The following MSI2 variants were observed in gnomAD, a reference collection of about 807,000 sequenced individuals.
MSI2 encodes the protein musashi RNA binding protein 2, also known as RNA-binding protein Musashi homolog 2.
MSI2 carries 17 observed loss-of-function variants against 45.6 expected under a neutral mutation model. The observed-to-expected ratio is 0.37, with a 90% confidence interval of 0.26 to 0.56. The LOEUF (loss-of-function observed/expected upper bound fraction) is 0.56. Among genes scored for constraint, MSI2 ranks in the 20% least tolerant of loss-of-function variants. The pLI is 0.77. For missense variants in MSI2, 293 were observed against 444.2 expected, an observed-to-expected ratio of 0.66 and a Z score of 3.06; for synonymous variants, 156 against 158.2, an observed-to-expected ratio of 0.99 and a Z score of 0.11.
At chr17:57,413,612 T>A (rs1206140805) in intron 6 of MSI2, among the ~76,000 whole-genome samples, 1 of 152,034 alleles carries the variant, frequency 6.6e-6, no homozygotes, top group Non-Finnish European at 1.5e-5. Flanking sequence ...ATCTGTTTAT[T>A]GCATTTATTT....
At chr17:57,557,221 C>T (rs942300545) in intron 7 of MSI2, among the ~76,000 whole-genome samples, 12 of 152,340 alleles carry the variant, frequency 7.9e-5, no homozygotes, top group African/African-American at 2.9e-4. Context: ...CATGAGAATT[C>T]CTCAGTCATA....
the MSI2 span, among the ~76,000 whole-genome samples, chr17:57,693,278 G>A: frequency 6.6e-6 from 1 of 152,016 alleles, no homozygotes; most frequent in Admixed American, 6.6e-5. Flanking sequence ...CACCTCCTGG[G>A]TTCAAGCAAT....
At chr17:57,283,369 T>C (rs368335524) in intron 5 of MSI2, among the ~76,000 whole-genome samples, 37 of 152,266 alleles carry the variant, frequency 2.4e-4, no homozygotes, top group African/African-American at 8.7e-4. Context: ...TCCCTTTGTA[T>C]CGCTGACCCA....
intron 6 of MSI2, among the ~76,000 whole-genome samples, chr17:57,440,030 A>G (rs981661978): frequency 2.0e-5 from 3 of 152,146 alleles, no homozygotes; most frequent in East Asian, 1.9e-4. Context: ...TGAGTGATCT[A>G]TCTCCACTGT....
At chr17:57,410,719 G>A (rs752330729) in intron 6 of MSI2, among the ~76,000 whole-genome samples, 12 of 152,138 alleles carry the variant, frequency 7.9e-5, no homozygotes, top group South Asian at 2.1e-4. Flanking sequence ...TTGGGTTGTC[G>A]AGGTCGCTAA....
chr17:57,536,169 C>T (rs1474450071), intron 7 of MSI2, among the ~76,000 whole-genome samples: 1 of 152,116 alleles, frequency 6.6e-6, no homozygotes, highest in Non-Finnish European at 1.5e-5. Context: ...AGCATTGCTT[C>T]ACTTGTAGGT....
intron 6 of MSI2, among the ~76,000 whole-genome samples, chr17:57,466,533 T>G (rs1456685690): frequency 6.6e-6 from 1 of 152,092 alleles, no homozygotes; most frequent in African/African-American, 2.4e-5. Context: ...GCCCAGCTCT[T>G]TTTTCCTCTC....
At chr17:57,526,541 A>C (rs1179194461) in intron 6 of MSI2, among the ~76,000 whole-genome samples, 1 of 151,864 alleles carries the variant, frequency 6.6e-6, no homozygotes, top group African/African-American at 2.4e-5. Flanking sequence ...CTTCTGTTTG[A>C]TTCACATAGA....
rs73992136 is a variant in MSI2, at chr17:57,639,799, C to G, written c.728-12300C>G. 6.6e-3 allele frequency among the ~76,000 whole-genome samples: 1,003 copies of G among 152,330 alleles called. 10 individuals are homozygous for G. Among genetic ancestry groups the G allele is most frequent in the African/African-American group, 0.023 (946 of 41,578 alleles). On this transcript the variant is annotated intron_variant, in intron 10 of 13. Transcript: ENST00000284073. ...ATTCTACAGTCTTTCTCCTGAAACC[C>G]AGGACCAGCTTTGAAGGTGCTGGGA...
Position 57,552,420 on chromosome 17 carries a change from G to C in MSI2, c.454+22696G>C, listed in dbSNP as rs1463751993. 2.0e-5 allele frequency among the ~76,000 whole-genome samples: 3 copies of C among 151,924 alleles called. No individual in the cohort carries two copies. The highest frequency in any genetic ancestry group is 4.4e-5 in the Non-Finnish European group (3 of 67,982). On this transcript the variant is annotated intron_variant, in intron 7 of 13. Coordinates refer to ENST00000284073, the MANE Select transcript of MSI2 (RefSeq NM_138962.4). This position sits in a 1 kb window ranked among gnomAD's most constrained non-coding sequence, Gnocchi z 4.3. ...CCCACTCACTGCCCTGCTGCATCCA[G>C]CCCCTGGGTCTTCCACCTCCTGGCA...
At position 57,675,007 on chromosome 17, in the gene MSI2, G is replaced by A. The variant is rs1466564664; in HGVS notation, c.826G>A (p.Ala276Thr). 3 of 1,613,702 alleles carry A rather than the reference G, an allele frequency of 1.9e-6. No individual in the cohort carries two copies. The highest frequency in any genetic ancestry group is 1.7e-4 in the Middle Eastern group (1 of 6,060). Residue 276 changes from alanine (A) to threonine (T), a missense_variant, in exon 12 of 14, where the codon GCC (alanine) becomes ACC (threonine). Coordinates refer to ENST00000284073, the MANE Select transcript of MSI2 (RefSeq NM_138962.4). ...GGCGCGGCCCGGAGGCTTCCCGGGG[G>A]CCAACAGCCCAGGACCTGTCGCCGA... ...NPARPGGFPG[A>T]NSPGPVADLY...
At position 57,529,117 on chromosome 17, in the gene MSI2, T is replaced by G. The variant is rs1331665912; in HGVS notation, c.406-559T>G. Among the ~76,000 whole-genome samples the G allele has an allele frequency of 6.6e-6, 1 of 152,118 alleles. No individual in the cohort carries two copies. Among genetic ancestry groups the G allele is most frequent in the Non-Finnish European group, 1.5e-5 (1 of 68,018 alleles). On this transcript the variant is annotated intron_variant, in intron 6 of 13. Transcript: ENST00000284073. The surrounding 1 kb of genome is among the most constrained non-coding windows in gnomAD (Gnocchi z 5.3). Reference sequence around the variant, plus strand: ...TATGATTTAAACTATATTGAAATAGTCATAGTTTTTTCTTTCTTTAGAAAA... The same window carrying G: ...TATGATTTAAACTATATTGAAATAGGCATAGTTTTTTCTTTCTTTAGAAAA...
chr17:57,292,575 T>C (rs1910516764), intron 5 of MSI2, among the ~76,000 whole-genome samples: 1 of 149,854 alleles, frequency 6.7e-6, no homozygotes, highest in Admixed American at 6.6e-5. Flanking sequence ...AAATGGAGGT[T>C]GGTGGGGGGT....
intron 6 of MSI2, among the ~76,000 whole-genome samples, chr17:57,414,419 C>T (rs190954434): frequency 6.6e-6 from 1 of 150,558 alleles, no homozygotes; most frequent in East Asian, 2.0e-4. Flanking sequence ...GACAGAGTTT[C>T]ACTCTTGTTG....
intron 5 of MSI2, among the ~76,000 whole-genome samples, chr17:57,366,747 C>T (rs1567783079): frequency 6.6e-6 from 1 of 152,230 alleles, no homozygotes; most frequent in Admixed American, 6.5e-5. Flanking sequence ...CACTGCAGAA[C>T]CCTTTCTAAT....
At chr17:57,271,067 C>T (rs1908311745) in intron 5 of MSI2, among the ~76,000 whole-genome samples, 1 of 152,210 alleles carries the variant, frequency 6.6e-6, no homozygotes, top group African/African-American at 2.4e-5. Context: ...TAGGGAACAG[C>T]TGAGACACTG....
intron 10 of MSI2, among the ~76,000 whole-genome samples, chr17:57,639,808 C>T (rs1345596220): frequency 6.6e-6 from 1 of 152,208 alleles, no homozygotes; most frequent in Non-Finnish European, 1.5e-5. Flanking sequence ...CCAGGACCAG[C>T]TTTGAAGGTG....
chr17:57,577,302 C>T (rs966947436), intron 7 of MSI2, among the ~76,000 whole-genome samples: 5 of 152,162 alleles, frequency 3.3e-5, no homozygotes, highest in African/African-American at 1.2e-4. Flanking sequence ...GGGTGATGCC[C>T]CTTTCCCCAG....
chr17:57,688,884 A>T (rs950356867), downstream of MSI2, among the ~76,000 whole-genome samples: 4 of 152,144 alleles, frequency 2.6e-5, no homozygotes, highest in Non-Finnish European at 4.4e-5. Context: ...CAATTTAAAA[A>T]TTTTTTTAAG....
Sources: allele counts gnomAD v4.1 joint callset (sites outside exome capture counted in the v4.1 genomes callset), GRCh38; gene constraint gnomAD v4.1.1; non-coding constraint Gnocchi (gnomAD v3.1); transcripts MANE v1.5; gene names NCBI Gene and HGNC (gene_info 2026-07-23, HGNC 2026-07-21).